The following SVEP1 variants were observed in gnomAD, a reference collection of about 807,000 sequenced individuals.
The protein encoded by SVEP1 is sushi, von Willebrand factor type A, EGF and pentraxin domain-containing protein 1.
In SVEP1, 164 loss-of-function variants were observed where a neutral mutation model predicts 367.3. The observed-to-expected ratio is 0.45, with a 90% CI of 0.39 to 0.51. The LOEUF is 0.51. SVEP1 is among the 20% of genes least tolerant of loss of function. The probability of loss-of-function intolerance (pLI) is 0.00; values close to 1 mark genes in which losing one functional copy is unlikely to be tolerated. For synonymous variants in SVEP1, 1,666 were observed against 1,611.6 expected, an observed-to-expected ratio of 1.03 and a Z score of -0.81; for missense variants, 4,117 against 4,425.3, an observed-to-expected ratio of 0.93 and a Z score of 1.98.
At chr9:110,498,225 G>A (rs1029311840) in intron 7 of SVEP1, among the ~76,000 whole-genome samples, 3 of 152,190 alleles carry the variant, frequency 2.0e-5, no homozygotes, top group Non-Finnish European at 4.4e-5. Context: ...TTCACTAGGA[G>A]TAGTCAAAGT....
intron 14 of SVEP1, among the ~76,000 whole-genome samples, chr9:110,475,479 G>A (rs963617260): frequency 1.3e-5 from 2 of 152,032 alleles, no homozygotes; most frequent in Admixed American, 6.6e-5. Context: ...GTAGTTGGTT[G>A]TAGAGTCCAC....
rs1446759352 is a variant in SVEP1 at position 110,407,996 on chromosome 9, G to T, written c.7604C>A (p.Ala2535Asp). ...ATCACCTGTCTCTAAACAGGTCAAGGCACTGGGACCTTCGAGCCGAAAGCC... is the reference window on the plus strand; with the variant it reads ...ATCACCTGTCTCTAAACAGGTCAAGTCACTGGGACCTTCGAGCCGAAAGCC... The part of the protein sequence containing the change: ...NRGFRLEGPS[A>D]LTCLETGDWD... Residue 2535 changes from alanine to aspartate, a missense_variant, in exon 38 of 48, where the codon GCC becomes GAC. Transcript: ENST00000374469. 4.3e-6 allele frequency: 7 copies of T among 1,613,888 alleles called. No homozygotes were observed. The highest frequency in any genetic ancestry group is 5.9e-6 in the Non-Finnish European group (7 of 1,179,912).
intron 41 of SVEP1, among the ~76,000 whole-genome samples, chr9:110,389,254 A>ATAATTAACTAGTTTTT (rs1320782429): frequency 6.6e-6 from 1 of 152,166 alleles, no homozygotes; most frequent in African/African-American, 2.4e-5. Context: ...AATAAACTCA[A>ATAATTAACTAGTTTTT]TAATTAACTA....
At chr9:110,517,418 T>C (rs1219540325) in intron 3 of SVEP1, among the ~76,000 whole-genome samples, 1 of 151,662 alleles carries the variant, frequency 6.6e-6, no homozygotes, top group Admixed American at 6.6e-5. Context: ...GCCAACATGG[T>C]GAAACCCCAT....
chr9:110,516,503 C>T (rs559522234), intron 3 of SVEP1, among the ~76,000 whole-genome samples: 2 of 149,266 alleles, frequency 1.3e-5, no homozygotes, highest in South Asian at 2.1e-4. Flanking sequence ...ACTGTATTAG[C>T]GATATTGAAC....
intron 1 of SVEP1, among the ~76,000 whole-genome samples, chr9:110,558,229 C>A (rs189641123): frequency 6.7e-6 from 1 of 149,850 alleles, no homozygotes; most frequent in African/African-American, 2.5e-5. Context: ...ATAATTGGCC[C>A]GGTGCTGTGG....
chr9:110,543,718 G>C (rs1259579711), intron 3 of SVEP1, among the ~76,000 whole-genome samples: 1 of 152,182 alleles, frequency 6.6e-6, no homozygotes, highest in Non-Finnish European at 1.5e-5. Context: ...GGACCACACG[G>C]AAAGCAGACA....
chr9:110,438,835 C>A (rs772875667), intron 27 of SVEP1, among the ~76,000 whole-genome samples: 5 of 152,096 alleles, frequency 3.3e-5, no homozygotes, highest in Non-Finnish European at 7.4e-5. Context: ...TGAATCCTAG[C>A]CAGTTTTATG....
In SVEP1 at chr9:110,565,686, T is replaced by C. The variant is rs141227476; in HGVS notation, c.531+13327A>G. On this transcript the variant is annotated intron_variant, in intron 1 of 47. Transcript: ENST00000374469. ...GCAACTTAGAGAGTGCCCATTCAAATGACAATCTCCAAACATCCCCTTCTC... is the reference window on the plus strand; with the variant it reads ...GCAACTTAGAGAGTGCCCATTCAAACGACAATCTCCAAACATCCCCTTCTC... 2.3e-3 allele frequency among the ~76,000 whole-genome samples: 353 copies of C among 152,218 alleles called. 1 individual carries two copies. Among genetic ancestry groups the C allele is most frequent in the African/African-American group, 8.0e-3 (334 of 41,552 alleles).
At chr9:110,509,835 T>A (rs1188979169) in intron 5 of SVEP1, among the ~76,000 whole-genome samples, 2 of 152,226 alleles carry the variant, frequency 1.3e-5, no homozygotes, top group African/African-American at 2.4e-5. Flanking sequence ...CAGAAATAAA[T>A]TCTGTGCTCA....
chr9:110,537,064 C>A (rs530715544), intron 3 of SVEP1, among the ~76,000 whole-genome samples: 240 of 151,912 alleles, frequency 1.6e-3, no homozygotes, highest in African/African-American at 5.6e-3. Context: ...ATGTAAAGGA[C>A]CTAAGGGACT....
intron 3 of SVEP1, among the ~76,000 whole-genome samples, chr9:110,543,027 AT>A: frequency 6.6e-6 from 1 of 150,856 alleles, no homozygotes; most frequent in East Asian, 1.9e-4. Flanking sequence ...CTGCTTCCAG[AT>A]TTTTGGTCCT....
chr9:110,371,160 G>A (rs1827269854), intron 46 of SVEP1, among the ~76,000 whole-genome samples: 1 of 152,038 alleles, frequency 6.6e-6, no homozygotes, highest in Admixed American at 6.6e-5. Context: ...GCAATCTAAT[G>A]GGAAAGAAAA....
chr9:110,577,679 T>C (rs1472507774), intron 1 of SVEP1, among the ~76,000 whole-genome samples: 3 of 151,992 alleles, frequency 2.0e-5, no homozygotes, highest in Non-Finnish European at 1.5e-5. Context: ...TGGAAAAACA[T>C]TTGCAACATA....
In SVEP1 at chr9:110,408,218, G is replaced by C; in HGVS notation, c.7382C>G (p.Thr2461Arg). The C allele has an allele frequency of 6.2e-7, 1 of 1,614,006 alleles. No individual in the cohort carries two copies. Among genetic ancestry groups the C allele is most frequent in the East Asian group, 2.2e-5 (1 of 44,878 alleles). Residue 2461 changes from threonine to arginine, a missense_variant, in exon 38 of 48, where the codon ACA becomes AGA. Physicochemically the swap from Thr to Arg is moderately conservative, Grantham distance 71 (BLOSUM62 -1). This residue lies in a region of SVEP1 where 1,765 missense variants were observed against 1,781.1 expected (regional missense o/e 0.99). Coordinates refer to ENST00000374469, the MANE Select transcript of SVEP1 (RefSeq NM_153366.4). Reference protein sequence around the residue: ...IDVQGLAYLSTALYTCKPGFE... With the variant: ...IDVQGLAYLSRALYTCKPGFE... ...GCCTGGCTTGCAGGTATAGAGAGCT[G>C]TGCTGAGATAGGCAAGGCCTTGCAC...
intron 27 of SVEP1, among the ~76,000 whole-genome samples, chr9:110,438,654 C>T (rs748666050): frequency 4.6e-5 from 7 of 152,086 alleles, no homozygotes; most frequent in South Asian, 2.1e-4. Flanking sequence ...CATAATTATA[C>T]GTATGTTTGA....
intron 35 of SVEP1, among the ~76,000 whole-genome samples, chr9:110,428,363 TCA>T (rs1196258143): frequency 6.6e-6 from 1 of 150,800 alleles, no homozygotes; most frequent in Non-Finnish European, 1.5e-5. Flanking sequence ...ATGTTTCTGA[TCA>T]CAGTCTGACT....
chr9:110,416,018 C>A (rs1268570208), intron 36 of SVEP1, among the ~76,000 whole-genome samples: 1 of 151,842 alleles, frequency 6.6e-6, no homozygotes, highest in African/African-American at 2.4e-5. Context: ...AAATTAGGTT[C>A]TTGGCTGGTG....
At position 110,411,481 on chromosome 9, in the gene SVEP1, C is replaced by A. The variant is rs763024035; in HGVS notation, c.6230G>T (p.Arg2077Leu). ...WVPPEGQDMP[R>L]CIAHFCEKPP... is the part of the protein sequence containing the mutation. ...TTTTTCACAGAAATGAGCTATACAA[C>A]GGGGCATGTCTTGACCTTCTGGGGG... The change falls in exon 37 of 48, where the codon CGT becomes CTT. Residue 2077 changes from arginine to leucine, a missense_variant. Arg to Leu is a moderately radical substitution (Grantham distance 102). This residue lies in a region of SVEP1 where 2,174 missense variants were observed against 2,494.3 expected (regional missense o/e 0.87). Transcript: ENST00000374469. 1.9e-6 allele frequency: 3 copies of A among 1,613,998 alleles called. No individual in the cohort carries two copies. The highest frequency in any genetic ancestry group is 2.5e-6 in the Non-Finnish European group (3 of 1,179,896).
Sources: gnomAD v4.1 joint callset for allele counts (sites outside exome capture counted in the v4.1 genomes callset) on GRCh38, gnomAD v4.1.1 for gene constraint, gnomAD v4.1.1 regional missense constraint, MANE v1.5 for transcripts, NCBI Gene and HGNC (gene_info 2026-07-23, HGNC 2026-07-21) for gene names.